QTMAN: variants seen among roughly 807,000 people sequenced by gnomAD.
The protein encoded by QTMAN is queuosine-tRNA mannosyltransferase, also known as tRNA-queuosine alpha-mannosyltransferase.
the QTMAN span, among the ~76,000 whole-genome samples, chr2:144,243,839 G>A: frequency 6.6e-6 from 1 of 152,090 alleles, no homozygotes; most frequent in Non-Finnish European, 1.5e-5. Context: ...GTACTTGACT[G>A]GTTTAATTTC....
the QTMAN span, among the ~76,000 whole-genome samples, chr2:144,206,229 T>C: frequency 1.3e-5 from 2 of 152,314 alleles, no homozygotes; most frequent in South Asian, 2.1e-4. Context: ...GTAGGCAATA[T>C]TGGTGCTTAA....
chr2:144,116,423 T>C, the QTMAN span, among the ~76,000 whole-genome samples: 2 of 152,106 alleles, frequency 1.3e-5, no homozygotes, highest in Non-Finnish European at 2.9e-5. Context: ...TTCCAGATCA[T>C]GGTTTGTTTC....
chr2:144,127,590 G>A, the QTMAN span, among the ~76,000 whole-genome samples: 1 of 152,122 alleles, frequency 6.6e-6, no homozygotes, highest in South Asian at 2.1e-4. Flanking sequence ...AACAAAAAGA[G>A]GTCAGTTTAG....
chr2:144,051,909 A>G, the QTMAN span, among the ~76,000 whole-genome samples: 1 of 152,222 alleles, frequency 6.6e-6, no homozygotes, highest in Non-Finnish European at 1.5e-5. Context: ...AGTAGGAGAA[A>G]CAGGTTCAAC....
At chr2:144,215,077 C>T in the QTMAN span, among the ~76,000 whole-genome samples, 1 of 151,736 alleles carries the variant, frequency 6.6e-6, no homozygotes, top group Non-Finnish European at 1.5e-5. Flanking sequence ...TCCATCTCTA[C>T]AAAAAATTTT....
At chr2:144,225,099 G>A in the QTMAN span, among the ~76,000 whole-genome samples, 12 of 152,104 alleles carry the variant, frequency 7.9e-5, no homozygotes, top group Non-Finnish European at 1.8e-4. Flanking sequence ...TGCAATATTT[G>A]ATCTCCCAGG....
At chr2:143,988,494 C>T in the QTMAN span, among the ~76,000 whole-genome samples, 8 of 152,318 alleles carry the variant, frequency 5.3e-5, no homozygotes, top group African/African-American at 1.9e-4. Context: ...TTAATAATAG[C>T]AGCAAATATG....
the QTMAN span, among the ~76,000 whole-genome samples, chr2:144,164,999 C>T: frequency 8.5e-5 from 13 of 152,052 alleles, no homozygotes; most frequent in Non-Finnish European, 1.6e-4. Context: ...TTTGGAAAAA[C>T]ACATGATGTT....
At chr2:144,199,531 G>A in the QTMAN span, among the ~76,000 whole-genome samples, 1 of 152,088 alleles carries the variant, frequency 6.6e-6, no homozygotes, top group Admixed American at 6.5e-5. Flanking sequence ...ATCATGAAGG[G>A]CTGAGGCTGA....
chr2:143,986,123 G>A, the QTMAN span, among the ~76,000 whole-genome samples: 2 of 152,140 alleles, frequency 1.3e-5, no homozygotes, highest in Non-Finnish European at 2.9e-5. Context: ...CTTTAGGAAG[G>A]ATGCCAGGCA....
At chr2:144,072,109 TG>T in the QTMAN span, among the ~76,000 whole-genome samples, 2 of 152,200 alleles carry the variant, frequency 1.3e-5, no homozygotes, top group Admixed American at 1.3e-4. Flanking sequence ...CCAAAAACTC[TG>T]GATCAGAGAG....
the QTMAN span, among the ~76,000 whole-genome samples, chr2:144,306,971 C>T: frequency 6.6e-6 from 1 of 151,320 alleles, no homozygotes; most frequent in African/African-American, 2.4e-5. Flanking sequence ...ACCAGCCTGA[C>T]CAACATGGTG....
the QTMAN span, among the ~76,000 whole-genome samples, chr2:144,215,727 T>C: frequency 6.6e-6 from 1 of 152,342 alleles, no homozygotes; most frequent in East Asian, 1.9e-4. Flanking sequence ...TTCACAAATG[T>C]GGCAGCATAT....
At chr2:144,024,280 T>C in the QTMAN span, among the ~76,000 whole-genome samples, 1 of 152,230 alleles carries the variant, frequency 6.6e-6, no homozygotes, top group African/African-American at 2.4e-5. Context: ...CTGTGGTAAA[T>C]AAATGAGCAA....
the QTMAN span, among the ~76,000 whole-genome samples, chr2:144,022,525 T>C: frequency 7.9e-5 from 12 of 151,302 alleles, no homozygotes; most frequent in African/African-American, 2.4e-4. Flanking sequence ...AGCTTCTAGG[T>C]TGCCAATTCT....
the QTMAN span, among the ~76,000 whole-genome samples, chr2:143,961,089 T>A: frequency 6.6e-6 from 1 of 152,134 alleles, no homozygotes; most frequent in Non-Finnish European, 1.5e-5. Flanking sequence ...CCTTATAAAT[T>A]CCAGGACAGT....
chr2:144,172,672 G>C, the QTMAN span, among the ~76,000 whole-genome samples: 33 of 145,826 alleles, frequency 2.3e-4, no homozygotes, highest in Middle Eastern at 3.6e-3. Context: ...AACTTAGGAA[G>C]CTCACTGCCC....
the QTMAN span, chr2:143,970,590 T>C: frequency 1.9e-4 from 159 of 859,240 alleles, 1 homozygote; most frequent in East Asian, 3.8e-3. Context: ...TGGAAATTAA[T>C]ACTTACGTTG....
chr2:144,210,715 G>T, the QTMAN span: 3 of 152,178 alleles, frequency 2.0e-5, no homozygotes, highest in African/African-American at 7.2e-5. Context: ...TCCTTCAAAT[G>T]ATGGAAATTG....
Sources: gnomAD v4.1 joint callset for allele counts (sites outside exome capture counted in the v4.1 genomes callset) on GRCh38, gnomAD v4.1.1 for gene constraint, MANE v1.5 for transcripts, NCBI Gene and HGNC (gene_info 2026-07-23, HGNC 2026-07-21) for gene names.